Variants in ENDOV observed in about 807,000 individuals in gnomAD.
ENDOV encodes the protein endonuclease V.
A neutral mutation model predicts 39.4 loss-of-function variants in ENDOV; 37 were observed. That is an observed-to-expected ratio of 0.94 (90% CI 0.72 to 1.23). The LOEUF is 1.23. Ranked by LOEUF, ENDOV falls within the 50% of genes most tolerant of loss-of-function variation. ENDOV has a pLI of 0.00. For missense variants in ENDOV, 441 were observed against 375.7 expected (o/e 1.17, Z -1.44); for synonymous variants, 186 against 163.4 (o/e 1.14, Z -1.05).
At position 80,430,460 on chromosome 17, in the gene ENDOV, C is replaced by G. The variant is rs1402402108; in HGVS notation, c.838+629C>G. 4 of 1,172,558 alleles carry G rather than the reference C, an allele frequency of 3.4e-6. No individual in the cohort carries two copies. In the African/African-American group the frequency reaches 6.2e-5, roughly 18 times the overall value. The allele number at this position is 1,172,558 out of a possible 1,614,324, so 72.6% of individuals were successfully genotyped here. A position where few individuals can be genotyped will look rare whatever the true frequency, so the allele number is the denominator to read the frequency against. ...TCAGGGTTCATTTTTAAAGCAGGTC[C>G]TCAGCCCCAGCCACACTGAACCACC... On this transcript the variant is annotated intron_variant, in intron 9 of 9. Transcript: ENST00000518137.
chr17:80,427,499 G>C, intron 7 of ENDOV: 1 of 985,436 alleles, frequency 1.0e-6, no homozygotes, highest in Non-Finnish European at 1.2e-6. Context: ...GCCAAATCCT[G>C]GGCCCACCCT....
Position 80,436,441 on chromosome 17 carries a change from G to T in ENDOV, c.*298G>T, listed in dbSNP as rs1311093327. On this transcript the variant is annotated 3_prime_UTR_variant, in exon 10 of 10. Transcript: ENST00000518137. ...GGATGCTCTTCATCCAGCTGAAGAC[G>T]GTCCCTTCTAGTCCTAATTTGTTAA... The T allele has an allele frequency of 8.3e-7, 1 of 1,202,866 alleles. No individual in the cohort carries two copies. The highest frequency in any genetic ancestry group is 1.5e-5 in the South Asian group (1 of 65,958). The allele number at this position is 1,202,866 out of a possible 1,614,324, so 74.5% of individuals were successfully genotyped here.
At chr17:80,432,601 GCACCGCTCTGGGGACC>G (rs1329586273) in intron 9 of ENDOV, among the ~76,000 whole-genome samples, 2 of 152,112 alleles carry the variant, frequency 1.3e-5, no homozygotes, top group Non-Finnish European at 2.9e-5. Flanking sequence ...CGGGGCTTAG[GCACCGCTCTGGGGACC>G]CCTCATGCTG....
chr17:80,433,132 G>C (rs747888616), intron 9 of ENDOV: 5 of 520,128 alleles, frequency 9.6e-6, no homozygotes, highest in East Asian at 1.1e-4. Flanking sequence ...CAGGTGGCAG[G>C]GAATTAGAGG....
chr17:80,429,120 G>A (rs897430090), intron 8 of ENDOV, among the ~76,000 whole-genome samples: 6 of 152,212 alleles, frequency 3.9e-5, no homozygotes, highest in African/African-American at 1.4e-4. Flanking sequence ...TTGTCCCACT[G>A]GTTCTTGTAA....
At chr17:80,419,471 T>G (rs2081669883) in intron 2 of ENDOV, 2 of 654,070 alleles carry the variant, frequency 3.1e-6, no homozygotes, top group Admixed American at 4.2e-5. Context: ...ATGGCTGGTG[T>G]GTGCTGCTCC....
At chr17:80,430,098 G>T in intron 9 of ENDOV, 2 of 1,534,732 alleles carry the variant, frequency 1.3e-6, no homozygotes, top group East Asian at 2.4e-5. Context: ...GGACGCCGCA[G>T]CACAGCCCAG....
chr17:80,415,486 C>G, intron 1 of ENDOV, 164 bp from the exon 2 acceptor site: 1 of 1,086,626 alleles, frequency 9.2e-7, no homozygotes, highest in Non-Finnish European at 1.3e-6. Flanking sequence ...CGGGTCTCCG[C>G]CGCCTGGGCT....
In ENDOV at chr17:80,437,142, G is replaced by C. The variant is rs2145164097; in HGVS notation, c.*999G>C. On this transcript the variant is annotated 3_prime_UTR_variant, in exon 10 of 10. Coordinates refer to ENST00000518137, the MANE Select transcript of ENDOV (RefSeq NM_173627.5). ...GGGCCATCTGGCCGTGCATGGTTTT[G>C]GGAGAGTCCTCCTTGACTCTGCAGA... 1 of 152,886 alleles carries C rather than the reference G, an allele frequency of 6.5e-6. No individual in the cohort carries two copies. The highest frequency in any genetic ancestry group is 2.4e-5 in the African/African-American group (1 of 41,564). 9.5% of individuals were successfully genotyped at this position (152,886 alleles called of 1,614,324 possible). A position where few individuals can be genotyped will look rare whatever the true frequency, so the allele number is the denominator to read the frequency against.
rs183714012 is a variant in ENDOV at position 80,437,713 on chromosome 17, C to T, written c.*1570C>T. ...CCAGAGAGACGCTTTGAAAACAAAA[C>T]AGGAAAGAACACACGGCCCCGCGTC... is the stretch of plus-strand genomic sequence containing the variant. On this transcript the variant is annotated 3_prime_UTR_variant, in exon 10 of 10. Transcript: ENST00000518137. 2.6e-5 allele frequency: 4 copies of T among 152,308 alleles called. No homozygotes were observed. In the East Asian group the frequency reaches 7.7e-4, roughly 29 times the overall value. The allele number at this position is 152,308 out of a possible 1,614,324, so 9.4% of individuals were successfully genotyped here. A position where few individuals can be genotyped will look rare whatever the true frequency, so the allele number is the denominator to read the frequency against.
rs543915898 is a variant in ENDOV at position 80,425,136 on chromosome 17, C to T, written c.585+36C>T. The T allele has an allele frequency of 3.1e-5, 49 of 1,564,720 alleles. 1 individual carries two copies. In the South Asian group the frequency reaches 3.2e-4, roughly 10 times the overall value. On this transcript the variant is annotated intron_variant, in intron 6 of 9. Transcript: ENST00000518137. ...AGGGCCCTGAGCTCCTCCAAAGCCCCGGGGTAGGGGATCCTTTGCAGGCAG... is the reference window on the plus strand; with the variant it reads ...AGGGCCCTGAGCTCCTCCAAAGCCCTGGGGTAGGGGATCCTTTGCAGGCAG...
intron 7 of ENDOV, chr17:80,427,913 G>T: frequency 8.3e-7 from 1 of 1,207,392 alleles, no homozygotes; most frequent in Non-Finnish European, 1.1e-6. Flanking sequence ...GCAGGAGCAG[G>T]CTGGGGGATT....
chr17:80,419,159 C>T (rs1173211676), intron 2 of ENDOV, among the ~76,000 whole-genome samples: 1 of 127,718 alleles, frequency 7.8e-6, no homozygotes, highest in Non-Finnish European at 1.6e-5. Context: ...AGCAACAGAG[C>T]AGGACTCTGT....
At chr17:80,420,960 G>A (rs933274683) in intron 2 of ENDOV, among the ~76,000 whole-genome samples, 1 of 151,732 alleles carries the variant, frequency 6.6e-6, no homozygotes, top group African/African-American at 2.4e-5. Context: ...ACAGGCGTGA[G>A]CCACCACGCC....
rs1403369366 is a variant in ENDOV at position 80,415,809 on chromosome 17, C to T, written c.216C>T (p.Phe72=). The T allele has an allele frequency of 1.9e-6, 3 of 1,596,138 alleles. No individual in the cohort carries two copies. The highest frequency in any genetic ancestry group is 2.6e-6 in the Non-Finnish European group (3 of 1,171,488). ...RACASLVVLS[F]PELEVVYEES... ...GTGCTTCCCTGGTGGTGCTCAGCTTCCCTGAGCTCGAGGTAACCTGGGAGG... is the reference window on the plus strand; with the variant it reads ...GTGCTTCCCTGGTGGTGCTCAGCTTTCCTGAGCTCGAGGTAACCTGGGAGG... Residue 72 remains phenylalanine (F), a synonymous_variant, in exon 2 of 10, where the codon TTC becomes TTT. Coordinates refer to ENST00000518137, the MANE Select transcript of ENDOV (RefSeq NM_173627.5).
In ENDOV at chr17:80,430,068, C is replaced by T; in HGVS notation, c.838+237C>T. ...GGAGCACCCAGTCCCCAAAGACAGG[C>T]TGACCGCACCACCCCAGGGGGACGC... On this transcript the variant is annotated intron_variant, in intron 9 of 9. Coordinates refer to ENST00000518137, the MANE Select transcript of ENDOV (RefSeq NM_173627.5). 5 of 1,535,770 alleles carry T rather than the reference C, an allele frequency of 3.3e-6. No homozygotes were observed. In the South Asian group the frequency reaches 3.6e-5, roughly 11 times the overall value.
intron 9 of ENDOV, among the ~76,000 whole-genome samples, chr17:80,434,790 T>C (rs966458470): frequency 1.3e-5 from 2 of 151,962 alleles, no homozygotes; most frequent in African/African-American, 4.8e-5. Context: ...TACAGAAAAC[T>C]AAAAAATTAA....
chr17:80,422,243 G>A lies in ENDOV; in HGVS notation c.401G>A (p.Arg134Gln), dbSNP rs1315909911. The A allele has an allele frequency of 6.2e-6, 10 of 1,613,560 alleles. No homozygotes were observed. The highest frequency in any genetic ancestry group is 3.3e-5 in the South Asian group (3 of 91,028). The change falls in exon 4 of 10, where the codon CGA becomes CAA. Residue 134 changes from arginine (R) to glutamine (Q), a missense_variant and splice_region_variant. Arg to Gln is a conservative substitution (Grantham distance 43, BLOSUM62 1). Coordinates refer to ENST00000518137, the MANE Select transcript of ENDOV (RefSeq NM_173627.5). ...LVDGNGVLHH[R>Q]GFGVACHLGV... The stretch of plus-strand genomic sequence containing the variant: ...GATGGAAACGGGGTACTCCACCACC[G>A]AGGTAATCCTGCTCTTGGAGGTCCA...
At chr17:80,422,805 C>T (rs11869608) in intron 4 of ENDOV, among the ~76,000 whole-genome samples, 84,693 of 151,946 alleles carry the variant, frequency 0.56, 24,414 homozygotes, top group Middle Eastern at 0.64. Flanking sequence ...GTTCATGCCA[C>T]TCTCCTGCCT....
Sources: gnomAD v4.1 joint callset for allele counts (sites outside exome capture counted in the v4.1 genomes callset) on GRCh38, gnomAD v4.1.1 for gene constraint, MANE v1.5 for transcripts, NCBI Gene and HGNC (gene_info 2026-07-23, HGNC 2026-07-21) for gene names.